Variants in HECW1 observed in about 807,000 individuals in gnomAD.
HECW1 encodes HECT, C2 and WW domain containing E3 ubiquitin protein ligase 1.
HECW1 carries 61 observed loss-of-function variants against 182.3 expected under a neutral mutation model. The ratio of observed to expected loss-of-function variants is 0.33; its 90% CI spans 0.27 to 0.41. HECW1 has a LOEUF of 0.41. HECW1 is among the 10% of genes least tolerant of loss of function. HECW1 has a pLI of 1.00. For missense variants in HECW1, 1,739 were observed against 2,108.9 expected (o/e 0.82, Z 3.44); for synonymous variants, 859 against 832.6 (o/e 1.03, Z -0.55).
intron 3 of HECW1, 138 bp from the exon 4 acceptor site, chr7:43,311,625 T>C (rs1487873609): frequency 8.5e-6 from 7 of 825,734 alleles, no homozygotes; most frequent in Admixed American, 8.5e-5. Flanking sequence ...AGATGCTCTA[T>C]GCCATGTTTC....
intron 2 of HECW1, among the ~76,000 whole-genome samples, chr7:43,213,524 C>A (rs559746048): frequency 6.8e-6 from 1 of 147,040 alleles, no homozygotes; most frequent in South Asian, 2.1e-4. Flanking sequence ...CGGCTCACTG[C>A]AAGCTCCACC....
intron 2 of HECW1, among the ~76,000 whole-genome samples, chr7:43,174,564 C>T (rs1792020068): frequency 6.6e-6 from 1 of 152,150 alleles, no homozygotes; most frequent in African/African-American, 2.4e-5. Flanking sequence ...GTTCTTGTCC[C>T]CTGGGATTGA....
rs2152719384 is a variant in HECW1 at position 43,243,133 on chromosome 7, C to T, written c.-31-742C>T. ...TTATTTTCATGGTGACTGTAACTCCCAAGGAAGATGAGGTTATAAAATCAG... is the reference window on the plus strand; with the variant it reads ...TTATTTTCATGGTGACTGTAACTCCTAAGGAAGATGAGGTTATAAAATCAG... On this transcript the variant is annotated intron_variant, in intron 2 of 29. Transcript: ENST00000395891. This position sits in a 1 kb window ranked among gnomAD's most constrained non-coding sequence, Gnocchi z 4.0. Among the ~76,000 whole-genome samples the T allele has an allele frequency of 6.6e-6, 1 of 152,176 alleles. No homozygotes were observed. Among genetic ancestry groups the T allele is most frequent in the Non-Finnish European group, 1.5e-5 (1 of 68,004 alleles).
chr7:43,130,398 T>C (rs1786782456), intron 2 of HECW1, among the ~76,000 whole-genome samples: 1 of 152,232 alleles, frequency 6.6e-6, no homozygotes, highest in Non-Finnish European at 1.5e-5. Context: ...TTGATAATTT[T>C]ATACATGATA....
chr7:43,503,374 G>T (rs1253656342), intron 21 of HECW1, among the ~76,000 whole-genome samples: 1 of 152,186 alleles, frequency 6.6e-6, no homozygotes, highest in Non-Finnish European at 1.5e-5. Flanking sequence ...TGTAGAGATT[G>T]TCCCAGCCTG....
At chr7:43,401,952 A>AAGGAG (rs1281630879) in intron 7 of HECW1, among the ~76,000 whole-genome samples, 2 of 151,942 alleles carry the variant, frequency 1.3e-5, no homozygotes, top group Non-Finnish European at 2.9e-5. Flanking sequence ...CACGGCAGAG[A>AAGGAG]AGGAGAGAAG....
intron 6 of HECW1, among the ~76,000 whole-genome samples, chr7:43,362,976 T>C (rs1332793611): frequency 6.6e-6 from 1 of 152,222 alleles, no homozygotes; most frequent in African/African-American, 2.4e-5. Context: ...ACTGTGGGTG[T>C]GTTGGCCAGC....
At chr7:43,417,595 G>T (rs1204782312) in intron 8 of HECW1, among the ~76,000 whole-genome samples, 1 of 151,996 alleles carries the variant, frequency 6.6e-6, no homozygotes, top group Non-Finnish European at 1.5e-5. Flanking sequence ...CAGTGAGGTG[G>T]CACACACCTA....
At chr7:43,170,691 C>A (rs1003028485) in intron 2 of HECW1, among the ~76,000 whole-genome samples, 2 of 152,086 alleles carry the variant, frequency 1.3e-5, no homozygotes, top group Non-Finnish European at 2.9e-5. Flanking sequence ...CACAGATCAT[C>A]CAGGCCTGGA....
At chr7:43,283,902 T>G (rs1304939373) in intron 3 of HECW1, among the ~76,000 whole-genome samples, 1 of 152,224 alleles carries the variant, frequency 6.6e-6, no homozygotes, top group Non-Finnish European at 1.5e-5. Context: ...GCGTGTCATT[T>G]CTGAAATCTT....
At chr7:43,488,464 G>GAA (rs1448936691) in intron 17 of HECW1, among the ~76,000 whole-genome samples, 1 of 148,060 alleles carries the variant, frequency 6.8e-6, no homozygotes, top group African/African-American at 2.5e-5. Context: ...AAGAAAGAAA[G>GAA]AAAGAAAGAA....
At chr7:43,305,007 G>A (rs546781992) in intron 3 of HECW1, among the ~76,000 whole-genome samples, 1 of 152,340 alleles carries the variant, frequency 6.6e-6, no homozygotes, top group South Asian at 2.1e-4. Context: ...CAGAGAGGAA[G>A]CTGCGGGACT....
chr7:43,250,854 G>T (rs975484341), intron 3 of HECW1, among the ~76,000 whole-genome samples: 1 of 152,166 alleles, frequency 6.6e-6, no homozygotes, highest in Non-Finnish European at 1.5e-5. Context: ...AGCTCCTACA[G>T]TCCTGGGCCC....
Position 43,445,262 on chromosome 7 carries a change from G to A in HECW1, c.2090G>A (p.Cys697Tyr). The A allele has an allele frequency of 6.2e-7, 1 of 1,612,892 alleles. No individual in the cohort carries two copies. Among genetic ancestry groups the A allele is most frequent in the South Asian group, 1.1e-5 (1 of 91,068 alleles). The change falls in exon 11 of 30, where the codon TGC (cysteine) becomes TAC (tyrosine). Residue 697 changes from cysteine (C) to tyrosine (Y), a missense_variant. Transcript: ENST00000395891. ...CYSTSCYSSS[C>Y]YSASCYSPSC... ...AGCACGTCCTGCTACAGCAGCTCGT[G>A]CTACAGCGCCTCGTGCTACAGCCCC...
intron 2 of HECW1, among the ~76,000 whole-genome samples, chr7:43,201,877 T>C (rs559161121): frequency 6.6e-6 from 1 of 152,314 alleles, no homozygotes; most frequent in African/African-American, 2.4e-5. Context: ...CAAGTATAGA[T>C]AAAGGACTGA....
chr7:43,416,038 C>T (rs906608010), intron 8 of HECW1, among the ~76,000 whole-genome samples: 50 of 151,730 alleles, frequency 3.3e-4, no homozygotes, highest in Non-Finnish European at 7.4e-5. Flanking sequence ...TCGTCAAAGT[C>T]ATTCTCCATC....
chr7:43,355,148 G>A (rs1814956947), intron 5 of HECW1, among the ~76,000 whole-genome samples: 2 of 151,826 alleles, frequency 1.3e-5, no homozygotes. Context: ...ACTACCACCA[G>A]ACCCATCATA....
At chr7:43,215,690 A>G (rs1796382683) in intron 2 of HECW1, among the ~76,000 whole-genome samples, 1 of 152,146 alleles carries the variant, frequency 6.6e-6, no homozygotes, top group Non-Finnish European at 1.5e-5. Context: ...ATTTTTGGTA[A>G]ATGGTCCATG....
At chr7:43,313,542 G>C (rs995493956) in intron 4 of HECW1, among the ~76,000 whole-genome samples, 7 of 152,138 alleles carry the variant, frequency 4.6e-5, no homozygotes, top group Non-Finnish European at 1.0e-4. Context: ...TCTCCATGTT[G>C]GTCAGGCTGG....
Sources: allele counts gnomAD v4.1 joint callset (sites outside exome capture counted in the v4.1 genomes callset), GRCh38; gene constraint gnomAD v4.1.1; non-coding constraint Gnocchi (gnomAD v3.1); transcripts MANE v1.5; gene names NCBI Gene and HGNC (gene_info 2026-07-23, HGNC 2026-07-21).